STON2: variants seen among roughly 807,000 people sequenced by gnomAD.
STON2 encodes the protein stonin 2, also known as stonin-2.
A neutral mutation model predicts 65.7 loss-of-function variants in STON2; 29 were observed. The ratio of observed to expected loss-of-function variants is 0.44; its 90% CI spans 0.33 to 0.60. The LOEUF is 0.60. Among genes scored for constraint, STON2 ranks in the 20% least tolerant of loss-of-function variants. The probability of loss-of-function intolerance (pLI) is 0.03; values close to 1 mark genes in which losing one functional copy is unlikely to be tolerated. For synonymous variants in STON2, 404 were observed against 414.2 expected (o/e 0.98, Z 0.30); for missense variants, 1,054 against 1,118.1 (o/e 0.94, Z 0.82).
At chr14:81,284,638 C>T (rs1895263000) in intron 5 of STON2, among the ~76,000 whole-genome samples, 1 of 152,152 alleles carries the variant, frequency 6.6e-6, no homozygotes, top group African/African-American at 2.4e-5. Flanking sequence ...AAAATATTTA[C>T]CTAATATAAT....
rs80179701 is a variant in STON2, at chr14:81,267,504, C to T, written c.*910G>A. On this transcript the variant is annotated 3_prime_UTR_variant, in exon 8 of 8. Coordinates refer to ENST00000614646, the MANE Select transcript of STON2 (RefSeq NM_001394390.1). ...GAGGTATAAAAAGAACTCCCAAATGCCCCTTACAAATGCCTCAGGTATTAT... is the reference window on the plus strand; with the variant it reads ...GAGGTATAAAAAGAACTCCCAAATGTCCCTTACAAATGCCTCAGGTATTAT... 30,195 of 985,080 alleles carry T rather than the reference C, an allele frequency of 0.031. 520 individuals are homozygous for T. The highest frequency in any genetic ancestry group is 0.051 in the South Asian group (1,088 of 21,266). 61.0% of individuals were successfully genotyped at this position (985,080 alleles called of 1,614,324 possible).
At chr14:81,390,391 A>G (rs569353517) in intron 3 of STON2, among the ~76,000 whole-genome samples, 2 of 152,292 alleles carry the variant, frequency 1.3e-5, no homozygotes, top group Admixed American at 1.3e-4. Flanking sequence ...AGAACTATAC[A>G]GAGGAAGTGC....
intron 5 of STON2, among the ~76,000 whole-genome samples, chr14:81,314,216 T>A (rs367893202): frequency 1.4e-4 from 22 of 152,378 alleles, no homozygotes; most frequent in African/African-American, 5.0e-4. Context: ...CACTTCCTGG[T>A]AGGACCAGAT....
intron 4 of STON2, among the ~76,000 whole-genome samples, chr14:81,329,602 T>C (rs986440053): frequency 2.6e-5 from 4 of 152,160 alleles, no homozygotes; most frequent in African/African-American, 9.7e-5. Context: ...ATGTTGACTT[T>C]GGATTTCTAG....
chr14:81,381,723 T>C (rs1278535568), intron 3 of STON2, among the ~76,000 whole-genome samples: 1 of 152,182 alleles, frequency 6.6e-6, no homozygotes, highest in Admixed American at 6.5e-5. Flanking sequence ...GTACAGCTGG[T>C]AGGATAGTAA....
At chr14:81,433,283 G>A (rs924556765) in intron 1 of STON2, among the ~76,000 whole-genome samples, 1 of 152,192 alleles carries the variant, frequency 6.6e-6, no homozygotes, top group Non-Finnish European at 1.5e-5. Context: ...GCAGGCCACC[G>A]TATTTGCCCT....
intron 3 of STON2, among the ~76,000 whole-genome samples, chr14:81,387,415 G>T (rs1410357356): frequency 1.3e-5 from 2 of 152,068 alleles, no homozygotes; most frequent in Admixed American, 6.5e-5. Context: ...ACTCAAATGG[G>T]TCTTATGAAG....
chr14:81,265,785 T>A lies in STON2; in HGVS notation c.*2629A>T. 2.0e-6 allele frequency: 2 copies of A among 985,164 alleles called. No individual in the cohort carries two copies. Among genetic ancestry groups the A allele is most frequent in the Non-Finnish European group, 2.4e-6 (2 of 829,874 alleles). 61.0% of individuals were successfully genotyped at this position (985,164 alleles called of 1,614,324 possible). A position where few individuals can be genotyped will look rare whatever the true frequency, so the allele number is the denominator to read the frequency against. On this transcript the variant is annotated 3_prime_UTR_variant, in exon 8 of 8. Transcript: ENST00000614646. ...AAAAACAAAAAAGTCCAGGTGCATGTACACAGGAAATGAGAATTTACCATG... is the reference window on the plus strand; with the variant it reads ...AAAAACAAAAAAGTCCAGGTGCATGAACACAGGAAATGAGAATTTACCATG...
chr14:81,391,258 C>A (rs906321322), intron 3 of STON2, among the ~76,000 whole-genome samples: 2 of 152,246 alleles, frequency 1.3e-5, no homozygotes, highest in African/African-American at 2.4e-5. Flanking sequence ...CACACTGTCT[C>A]TACTTGCTGC....
At chr14:81,417,006 T>C (rs1042075494) in intron 2 of STON2, among the ~76,000 whole-genome samples, 4 of 152,188 alleles carry the variant, frequency 2.6e-5, no homozygotes, top group Non-Finnish European at 4.4e-5. Context: ...TAGGGTTTTA[T>C]TTCCCAGGTA....
intron 6 of STON2, among the ~76,000 whole-genome samples, chr14:81,275,347 A>C (rs1894773181): frequency 1.3e-5 from 2 of 151,414 alleles, no homozygotes; most frequent in South Asian, 4.2e-4. Context: ...TGACTGCATG[A>C]CTCTCTAGAT....
At chr14:81,412,099 G>C (rs1901194690) in intron 2 of STON2, among the ~76,000 whole-genome samples, 1 of 140,176 alleles carries the variant, frequency 7.1e-6, no homozygotes, top group African/African-American at 2.9e-5. Flanking sequence ...AGGTTGTAAA[G>C]GTCATGAGTT....
At chr14:81,287,748 T>C (rs1002602195) in intron 5 of STON2, among the ~76,000 whole-genome samples, 3 of 152,204 alleles carry the variant, frequency 2.0e-5, no homozygotes, top group African/African-American at 7.2e-5. Context: ...CTGCCTCTGT[T>C]TTACCATTGC....
Position 81,277,876 on chromosome 14 carries a change from A to G in STON2, c.1606T>C (p.Cys536Arg). The G allele has an allele frequency of 6.2e-7, 1 of 1,614,222 alleles. No individual in the cohort carries two copies. ...KPFREFKLEI[C>R]HEISEPRLQN... The stretch of plus-strand genomic sequence containing the variant: ...AGCCGGGGTTCTGAAATCTCATGAC[A>G]GATCTCCAGCTTGAACTCACGGAAT... The change falls in exon 6 of 8, where the codon TGT becomes CGT. Residue 536 changes from cysteine (C) to arginine (R), a missense_variant. Physicochemically the swap from Cys to Arg is radical, Grantham distance 180 (BLOSUM62 -3). Coordinates refer to ENST00000614646, the MANE Select transcript of STON2 (RefSeq NM_001394390.1).
intron 2 of STON2, among the ~76,000 whole-genome samples, chr14:81,426,715 G>C (rs981935026): frequency 5.9e-5 from 9 of 152,078 alleles, no homozygotes; most frequent in Non-Finnish European, 1.2e-4. Flanking sequence ...CGCTTCCTCT[G>C]ACACAGTTTC....
intron 4 of STON2, among the ~76,000 whole-genome samples, chr14:81,347,588 C>G (rs1421944006): frequency 1.5e-5 from 2 of 130,550 alleles, no homozygotes; most frequent in African/African-American, 5.6e-5. Flanking sequence ...CAGCATTACC[C>G]TGATATCAAA....
At chr14:81,303,633 C>A (rs186801434) in intron 5 of STON2, among the ~76,000 whole-genome samples, 2 of 152,190 alleles carry the variant, frequency 1.3e-5, no homozygotes, top group Non-Finnish European at 2.9e-5. Flanking sequence ...CCGTTTGTCA[C>A]CCTCTTCCTC....
intron 3 of STON2, among the ~76,000 whole-genome samples, chr14:81,373,527 C>G (rs193198791): frequency 3.7e-4 from 56 of 152,182 alleles, no homozygotes; most frequent in African/African-American, 1.2e-3. Flanking sequence ...ATGCATCACA[C>G]GGTGAGCAAC....
At chr14:81,379,895 G>A (rs1246600929) in intron 3 of STON2, among the ~76,000 whole-genome samples, 1 of 152,116 alleles carries the variant, frequency 6.6e-6, no homozygotes, top group African/African-American at 2.4e-5. Context: ...AAAAACCCTA[G>A]AAGAAAATGT....
Sources: allele counts gnomAD v4.1 joint callset (sites outside exome capture counted in the v4.1 genomes callset), GRCh38; gene constraint gnomAD v4.1.1; transcripts MANE v1.5; gene names NCBI Gene and HGNC (gene_info 2026-07-23, HGNC 2026-07-21).